WWTR1: variants seen among roughly 807,000 people sequenced by gnomAD.
The protein encoded by WWTR1 is WW domain-containing transcription regulator protein 1.
WWTR1 carries 13 observed loss-of-function variants against 40.1 expected under a neutral mutation model. The observed-to-expected ratio is 0.32, with a 90% CI of 0.21 to 0.52. WWTR1 has a LOEUF of 0.52. WWTR1 is among the 20% of genes least tolerant of loss of function. The pLI is 0.97. For missense variants in WWTR1, 436 were observed against 523.1 expected (o/e 0.83, Z 1.63); for synonymous variants, 230 against 210.1 (o/e 1.09, Z -0.82).
intron 2 of WWTR1, among the ~76,000 whole-genome samples, chr3:149,588,710 A>C (rs1738553801): frequency 6.6e-6 from 1 of 152,124 alleles, no homozygotes; most frequent in Admixed American, 6.5e-5. Context: ...TCTAATCAGA[A>C]AAAAAATGAG....
chr3:149,580,468 G>C (rs1004635962), intron 2 of WWTR1, among the ~76,000 whole-genome samples: 1 of 152,156 alleles, frequency 6.6e-6, no homozygotes, highest in African/African-American at 2.4e-5. Flanking sequence ...AGAAACCCCA[G>C]GGAGCTCATC....
intron 3 of WWTR1, among the ~76,000 whole-genome samples, chr3:149,550,317 T>C (rs1188060000): frequency 2.0e-5 from 3 of 152,200 alleles, no homozygotes; most frequent in Admixed American, 1.3e-4. Flanking sequence ...CTAATAAGAC[T>C]GGGAAATGTT....
chr3:149,554,777 G>T (rs1043931070), intron 3 of WWTR1, among the ~76,000 whole-genome samples: 1 of 152,136 alleles, frequency 6.6e-6, no homozygotes, highest in Non-Finnish European at 1.5e-5. Flanking sequence ...TTGATTGCAG[G>T]GATATCTCAA....
chr3:149,668,499 T>C (rs1713928659), intron 2 of WWTR1, among the ~76,000 whole-genome samples: 1 of 151,606 alleles, frequency 6.6e-6, no homozygotes, highest in South Asian at 2.1e-4. Context: ...TCCCAGCTGC[T>C]TAGGAGGTTG....
At chr3:149,619,392 G>A (rs751278745) in intron 2 of WWTR1, among the ~76,000 whole-genome samples, 4 of 152,184 alleles carry the variant, frequency 2.6e-5, no homozygotes, top group Admixed American at 1.3e-4. Context: ...ACGCCAAGGT[G>A]AGAGGATTGC....
intron 5 of WWTR1, among the ~76,000 whole-genome samples, chr3:149,710,824 C>G (rs1187180330): frequency 6.6e-6 from 1 of 151,920 alleles, no homozygotes; most frequent in East Asian, 1.9e-4. Context: ...AGTGATCCAC[C>G]CACCTCAGCC....
intron 3 of WWTR1, among the ~76,000 whole-genome samples, chr3:149,550,581 A>G (rs966415755): frequency 1.3e-5 from 2 of 152,230 alleles, no homozygotes; most frequent in Admixed American, 1.3e-4. Flanking sequence ...CTGTGTGCTT[A>G]GCTCTTTAAA....
chr3:149,630,224 G>A (rs76349107), intron 2 of WWTR1, among the ~76,000 whole-genome samples: 2,350 of 152,086 alleles, frequency 0.015, 29 homozygotes, highest in African/African-American at 0.022. Flanking sequence ...CCTATAAATT[G>A]CTTTTGCAAT....
rs184278271 is a variant in WWTR1 at position 149,680,776 on chromosome 3, G to C, written c.-107-10885C>G. Among the ~76,000 whole-genome samples, 95 of 151,876 alleles carry C rather than the reference G, an allele frequency of 6.3e-4. 1 individual carries two copies. Among genetic ancestry groups the C allele is most frequent in the African/African-American group, 1.9e-3 (78 of 41,420 alleles). Reference sequence around the variant, plus strand: ...AGGATTGCTTGAGCCCAGGAGTTTGGGGCTGCAGTGAGCTATGACCATGCC... The same window carrying C: ...AGGATTGCTTGAGCCCAGGAGTTTGCGGCTGCAGTGAGCTATGACCATGCC... On this transcript the variant is annotated intron_variant, in intron 1 of 7. Transcript: ENST00000465804.
At chr3:149,570,905 T>C (rs1040682298) in intron 3 of WWTR1, among the ~76,000 whole-genome samples, 3 of 152,188 alleles carry the variant, frequency 2.0e-5, no homozygotes, top group Admixed American at 1.3e-4. Flanking sequence ...TCCACTCCAG[T>C]ATTTGTATGC....
At chr3:149,557,736 C>T (rs939877696) in intron 3 of WWTR1, among the ~76,000 whole-genome samples, 1 of 152,088 alleles carries the variant, frequency 6.6e-6, no homozygotes, top group Non-Finnish European at 1.5e-5. Flanking sequence ...GGCACAGTGG[C>T]TCACCCCTGT....
intron 3 of WWTR1, among the ~76,000 whole-genome samples, chr3:149,560,976 C>T (rs1576560623): frequency 2.0e-5 from 3 of 151,368 alleles, no homozygotes; most frequent in East Asian, 1.9e-4. Context: ...GCAAAAAATC[C>T]CCTGCTCCAG....
At chr3:149,589,042 A>C (rs1339529326) in intron 2 of WWTR1, among the ~76,000 whole-genome samples, 1 of 152,172 alleles carries the variant, frequency 6.6e-6, no homozygotes, top group African/African-American at 2.4e-5. Flanking sequence ...CAGCTGTTTG[A>C]GTGAGCGGGA....
At chr3:149,708,459 TCC>T (rs148365720) in intron 5 of WWTR1, among the ~76,000 whole-genome samples, 2,087 of 152,246 alleles carry the variant, frequency 0.014, 29 homozygotes, top group East Asian at 0.062. Flanking sequence ...ATTAAACAAC[TCC>T]CCATCTCCCC....
At chr3:149,562,648 A>ACACAG (rs1560061626) in intron 3 of WWTR1, among the ~76,000 whole-genome samples, 16 of 135,082 alleles carry the variant, frequency 1.2e-4, no homozygotes, top group African/African-American at 3.8e-4. Flanking sequence ...CACACACACA[A>ACACAG]AGGGGGAGGG....
intron 5 of WWTR1, among the ~76,000 whole-genome samples, chr3:149,713,855 T>C (rs1473125127): frequency 2.0e-5 from 3 of 152,168 alleles, no homozygotes; most frequent in African/African-American, 7.2e-5. Flanking sequence ...ACTTCGACTT[T>C]GTTGCCCAAC....
At chr3:149,640,938 T>G (rs1346378701) in intron 2 of WWTR1, among the ~76,000 whole-genome samples, 1 of 152,214 alleles carries the variant, frequency 6.6e-6, no homozygotes, top group Non-Finnish European at 1.5e-5. Context: ...CTGGACATAT[T>G]CAGAGCCAAA....
intron 2 of WWTR1, among the ~76,000 whole-genome samples, chr3:149,638,431 C>G (rs1045793618): frequency 1.3e-5 from 2 of 152,124 alleles, no homozygotes; most frequent in Admixed American, 6.6e-5. Flanking sequence ...CAGTATACTT[C>G]CCTGACATTT....
chr3:149,568,941 C>T (rs2107990926), intron 3 of WWTR1, among the ~76,000 whole-genome samples: 2 of 152,212 alleles, frequency 1.3e-5, no homozygotes, highest in Admixed American at 1.3e-4. Flanking sequence ...TAATTTTTTG[C>T]ATTTTTAGTA....
Sources: gnomAD v4.1 joint callset for allele counts (sites outside exome capture counted in the v4.1 genomes callset) on GRCh38, gnomAD v4.1.1 for gene constraint, MANE v1.5 for transcripts, NCBI Gene and HGNC (gene_info 2026-07-23, HGNC 2026-07-21) for gene names.